The following ANXA8 variants were observed in gnomAD, a reference collection of about 807,000 sequenced individuals.
ANXA8 encodes VAC-beta.
A neutral mutation model predicts 26.8 loss-of-function variants in ANXA8; 9 were observed. That is an observed-to-expected ratio of 0.34 (90% CI 0.20 to 0.59). The LOEUF (loss-of-function observed/expected upper bound fraction) is 0.59, where lower values mean the gene tolerates loss of function less well. Among genes scored for constraint, ANXA8 ranks in the 20% least tolerant of loss-of-function variants. The probability of loss-of-function intolerance (pLI) is 0.84; values close to 1 mark genes in which losing one functional copy is unlikely to be tolerated. For synonymous variants in ANXA8, 39 were observed against 94.8 expected, an observed-to-expected ratio of 0.41 and a Z score of 3.42; for missense variants, 83 against 238.5, an observed-to-expected ratio of 0.35 and a Z score of 4.29.
the ANXA8 span, among the ~76,000 whole-genome samples, chr10:47,639,041 T>C: frequency 1.3e-5 from 2 of 150,496 alleles, no homozygotes. Flanking sequence ...ATTAAAACAC[T>C]TGGGGTATAG....
chr10:47,668,996 T>A, the ANXA8 span, among the ~76,000 whole-genome samples: 11 of 151,804 alleles, frequency 7.2e-5, 1 homozygote, highest in African/African-American at 2.7e-4. Flanking sequence ...TGTGAGAGAG[T>A]GAGGGAAGTA....
the ANXA8 span, among the ~76,000 whole-genome samples, chr10:47,658,106 C>T: frequency 2.0e-5 from 3 of 151,890 alleles, no homozygotes; most frequent in African/African-American, 7.3e-5. Flanking sequence ...GCCGGTGGCT[C>T]ACGCCTGTAA....
At chr10:47,979,131 A>G in the ANXA8 span, among the ~76,000 whole-genome samples, 1 of 151,174 alleles carries the variant, frequency 6.6e-6, no homozygotes, top group Non-Finnish European at 1.5e-5. Flanking sequence ...AGACATGGCA[A>G]TTAAGAATAT....
At chr10:47,883,443 G>A in the ANXA8 span, among the ~76,000 whole-genome samples, 2 of 10,738 alleles carry the variant, frequency 1.9e-4, no homozygotes, top group East Asian at 3.4e-3. Context: ...TTTTTTTTTT[G>A]AGACAGAGTC....
the ANXA8 span, among the ~76,000 whole-genome samples, chr10:47,982,786 G>T: frequency 1.4e-5 from 1 of 69,754 alleles, no homozygotes; most frequent in Non-Finnish European, 3.0e-5. Flanking sequence ...AGAATGGGAA[G>T]AAGTATTTGC....
chr10:47,567,032 C>G, the ANXA8 span, among the ~76,000 whole-genome samples: 1 of 146,566 alleles, frequency 6.8e-6, no homozygotes, highest in South Asian at 2.2e-4. Flanking sequence ...CGTCCCCCAC[C>G]TAGCAAGGCC....
chr10:47,701,613 G>A, the ANXA8 span, among the ~76,000 whole-genome samples: 1 of 151,754 alleles, frequency 6.6e-6, no homozygotes, highest in African/African-American at 2.4e-5. Context: ...AAAACTGTAT[G>A]TAGTATGCTG....
At chr10:47,695,013 A>T in the ANXA8 span, among the ~76,000 whole-genome samples, 1 of 151,812 alleles carries the variant, frequency 6.6e-6, no homozygotes, top group Non-Finnish European at 1.5e-5. Flanking sequence ...ACCACTAGTG[A>T]TTACTATGTC....
At chr10:47,665,399 G>T in the ANXA8 span, among the ~76,000 whole-genome samples, 4 of 150,916 alleles carry the variant, frequency 2.7e-5, no homozygotes, top group Non-Finnish European at 5.9e-5. Flanking sequence ...ATTGTTCTTG[G>T]TGCTTAAACT....
chr10:47,975,542 G>T, the ANXA8 span, among the ~76,000 whole-genome samples: 183 of 149,912 alleles, frequency 1.2e-3, 4 homozygotes, highest in Non-Finnish European at 2.0e-3. Context: ...GGACTTTGCA[G>T]TTGGCCATTC....
the ANXA8 span, chr10:47,564,371 C>CTCCAGGA: frequency 1.3e-6 from 1 of 760,712 alleles, no homozygotes; most frequent in South Asian, 1.5e-5. Context: ...TGGAGTACAA[C>CTCCAGGA]AGCTGGCATG....
the ANXA8 span, among the ~76,000 whole-genome samples, chr10:47,733,147 TTC>T: frequency 7.1e-3 from 366 of 51,528 alleles, no homozygotes; most frequent in African/African-American, 0.017. Flanking sequence ...TCCCTAATCT[TTC>T]TTTCTTTCTT....
At chr10:47,510,171 G>A in the ANXA8 span, 10 of 1,288,138 alleles carry the variant, frequency 7.8e-6, 1 homozygote, top group African/African-American at 1.6e-5. Flanking sequence ...TTGTACTCAC[G>A]ATATTATTGT....
the ANXA8 span, among the ~76,000 whole-genome samples, chr10:47,979,621 AAGG>A: frequency 2.0e-5 from 3 of 151,026 alleles, no homozygotes; most frequent in African/African-American, 2.4e-5. Flanking sequence ...GATGAAATGG[AAGG>A]AGGAGGAGAC....
the ANXA8 span, among the ~76,000 whole-genome samples, chr10:47,722,625 G>A: frequency 2.1e-5 from 3 of 140,448 alleles, 1 homozygote; most frequent in African/African-American, 7.8e-5. Flanking sequence ...CGGGCTGCCT[G>A]AATGTTCTCA....
At chr10:47,979,297 A>T in the ANXA8 span, among the ~76,000 whole-genome samples, 1 of 151,712 alleles carries the variant, frequency 6.6e-6, no homozygotes. Flanking sequence ...AAGATCTGAA[A>T]AAAACAGTAA....
chr10:47,957,601 C>T, the ANXA8 span, among the ~76,000 whole-genome samples: 3 of 149,730 alleles, frequency 2.0e-5, no homozygotes, highest in Non-Finnish European at 4.4e-5. Flanking sequence ...GCTGCCGTAA[C>T]AAATTGCCAC....
chr10:47,563,524 T>A, the ANXA8 span: 1 of 728,688 alleles, frequency 1.4e-6, no homozygotes, highest in African/African-American at 1.8e-5. Context: ...CTTTCTTTTT[T>A]GAAACTTACT....
At chr10:47,673,721 T>C in the ANXA8 span, among the ~76,000 whole-genome samples, 1 of 151,860 alleles carries the variant, frequency 6.6e-6, no homozygotes, top group Non-Finnish European at 1.5e-5. Flanking sequence ...TAAAGAAAAA[T>C]TGCCAAGATA....
Sources: allele counts gnomAD v4.1 joint callset (sites outside exome capture counted in the v4.1 genomes callset), GRCh38; gene constraint gnomAD v4.1.1; transcripts MANE v1.5; gene names NCBI Gene and HGNC (gene_info 2026-07-23, HGNC 2026-07-21).